Variants in MBOAT2 observed in about 807,000 individuals in gnomAD.
The protein encoded by MBOAT2 is membrane bound glycerophospholipid O-acyltransferase 2.
MBOAT2 carries 28 observed loss-of-function variants against 63.4 expected under a neutral mutation model. The observed-to-expected ratio is 0.44, with a 90% CI of 0.33 to 0.61. The LOEUF (loss-of-function observed/expected upper bound fraction) is 0.61, where lower values mean the gene tolerates loss of function less well. Ranked by LOEUF, MBOAT2 falls within the 20% of genes least tolerant of loss-of-function variation. The pLI is 0.03. For missense variants in MBOAT2, 470 were observed against 605.8 expected (o/e 0.78, Z 2.35); for synonymous variants, 211 against 215.6 (o/e 0.98, Z 0.19).
rs373302501 is a variant in MBOAT2 at position 8,958,313 on chromosome 2, G to A, written c.221+184C>T. On this transcript the variant is annotated intron_variant, in intron 2 of 12. Coordinates refer to ENST00000305997, the MANE Select transcript of MBOAT2 (RefSeq NM_138799.4). ...AAATTTTCCTCTAAGACTAAAGAGA[G>A]AGCAAGCCCATTTCCCATTCGTTAT... Among the ~76,000 whole-genome samples the A allele has an allele frequency of 2.6e-5, 4 of 152,308 alleles. 1 individual carries two copies. Among genetic ancestry groups the A allele is most frequent in the Admixed American group, 6.5e-5 (1 of 15,296 alleles).
rs193073907 is a variant in MBOAT2 at position 8,989,528 on chromosome 2, G to A, written c.75+14012C>T. 2.4e-3 allele frequency among the ~76,000 whole-genome samples: 363 copies of A among 152,290 alleles called. 7 individuals are homozygous for A. Among genetic ancestry groups the A allele is most frequent in the Admixed American group, 0.022 (341 of 15,296 alleles). On this transcript the variant is annotated intron_variant, in intron 1 of 12. Transcript: ENST00000305997. Reference sequence around the variant, plus strand: ...CAAGATACGGAGCTGTATCATCCCAGGAGAGCTAGAAATGTTCAATCATGA... The same window carrying A: ...CAAGATACGGAGCTGTATCATCCCAAGAGAGCTAGAAATGTTCAATCATGA...
chr2:8,879,855 A>G (rs751795037), intron 6 of MBOAT2, among the ~76,000 whole-genome samples: 2 of 152,196 alleles, frequency 1.3e-5, no homozygotes, highest in Non-Finnish European at 2.9e-5. Context: ...AATGTCTTGT[A>G]TAACATCAGA....
chr2:8,933,315 T>C (rs1667449426), intron 3 of MBOAT2, among the ~76,000 whole-genome samples: 1 of 152,200 alleles, frequency 6.6e-6, no homozygotes, highest in Admixed American at 6.5e-5. Context: ...AGATCAGATA[T>C]ATCATCAAAT....
intron 1 of MBOAT2, among the ~76,000 whole-genome samples, chr2:8,971,241 C>G (rs1257401456): frequency 1.3e-5 from 2 of 152,200 alleles, no homozygotes; most frequent in Non-Finnish European, 2.9e-5. Flanking sequence ...TAATCCAGCA[C>G]ATAAACAGAA....
intron 2 of MBOAT2, among the ~76,000 whole-genome samples, chr2:8,950,617 C>T (rs1396100880): frequency 2.0e-5 from 3 of 152,042 alleles, no homozygotes; most frequent in East Asian, 1.9e-4. Flanking sequence ...TTAGTAGAGA[C>T]GGGGTTTCAC....
intron 2 of MBOAT2, among the ~76,000 whole-genome samples, chr2:8,948,056 A>G (rs1056636158): frequency 6.6e-6 from 1 of 152,208 alleles, no homozygotes. Context: ...AGGTCAAAAT[A>G]TAAACATTAG....
intron 9 of MBOAT2, among the ~76,000 whole-genome samples, chr2:8,865,443 T>A (rs1661801113): frequency 6.6e-6 from 1 of 152,148 alleles, no homozygotes. Flanking sequence ...GGAGAAGTGG[T>A]CCTTCTCCTT....
chr2:8,937,187 G>T (rs1358760767), intron 3 of MBOAT2, among the ~76,000 whole-genome samples: 1 of 152,232 alleles, frequency 6.6e-6, no homozygotes, highest in Non-Finnish European at 1.5e-5. Flanking sequence ...GGAGTCTACA[G>T]TGGCTTTCAT....
intron 2 of MBOAT2, among the ~76,000 whole-genome samples, chr2:8,946,420 T>C (rs1298304727): frequency 6.6e-6 from 1 of 152,168 alleles, no homozygotes; most frequent in East Asian, 1.9e-4. Context: ...ATGATTGTTT[T>C]AAAAGAAAAA....
At chr2:8,875,030 T>G (rs930172819) in intron 7 of MBOAT2, among the ~76,000 whole-genome samples, 2 of 152,204 alleles carry the variant, frequency 1.3e-5, no homozygotes, top group African/African-American at 2.4e-5. Context: ...TCCACCTTGT[T>G]TAAGTTCCTG....
rs576382229 is a variant in MBOAT2, at chr2:8,993,477, G to C, written c.75+10063C>G. 2.1e-4 allele frequency among the ~76,000 whole-genome samples: 32 copies of C among 152,308 alleles called. No individual in the cohort carries two copies. The South Asian group carries it at 4.1e-3, about 20-fold the overall frequency. On this transcript the variant is annotated intron_variant, in intron 1 of 12. Coordinates refer to ENST00000305997, the MANE Select transcript of MBOAT2 (RefSeq NM_138799.4). ...GGGAGCTCAGTCTGTGGAGAAGCTT[G>C]TTGGCCAGTGAAGTGAGTGTCCACA...
intron 3 of MBOAT2, among the ~76,000 whole-genome samples, chr2:8,937,139 G>C (rs1667727021): frequency 6.6e-6 from 1 of 152,152 alleles, no homozygotes; most frequent in Non-Finnish European, 1.5e-5. Context: ...CAAGAATCAG[G>C]GATGAGACTT....
At chr2:8,947,430 G>C (rs1190159861) in intron 2 of MBOAT2, among the ~76,000 whole-genome samples, 1 of 152,190 alleles carries the variant, frequency 6.6e-6, no homozygotes, top group Admixed American at 6.5e-5. Flanking sequence ...GCTACACTAA[G>C]CAAAAGATTT....
At chr2:8,905,405 T>A (rs569559242) in intron 4 of MBOAT2, among the ~76,000 whole-genome samples, 1 of 152,286 alleles carries the variant, frequency 6.6e-6, no homozygotes, top group African/African-American at 2.4e-5. Context: ...CTCCTTCAGC[T>A]AATTCGACTA....
At chr2:8,870,236 G>A (rs1231955279) in intron 8 of MBOAT2, among the ~76,000 whole-genome samples, 1 of 152,130 alleles carries the variant, frequency 6.6e-6, no homozygotes, top group Non-Finnish European at 1.5e-5. Context: ...ATTTTTTTGA[G>A]GTGATAAGGA....
intron 4 of MBOAT2, among the ~76,000 whole-genome samples, chr2:8,906,551 T>C (rs1259526033): frequency 6.6e-6 from 1 of 152,222 alleles, no homozygotes. Context: ...AACTGTAATG[T>C]GAATGAGAAA....
At chr2:8,986,332 T>G (rs1671562809) in intron 1 of MBOAT2, among the ~76,000 whole-genome samples, 1 of 151,942 alleles carries the variant, frequency 6.6e-6, no homozygotes, top group Non-Finnish European at 1.5e-5. Context: ...TCCCAGCACT[T>G]TGGGAGGCTG....
intron 3 of MBOAT2, among the ~76,000 whole-genome samples, chr2:8,911,932 AATTT>A (rs1205701203): frequency 7.2e-5 from 11 of 152,108 alleles, no homozygotes; most frequent in Admixed American, 7.2e-4. Flanking sequence ...TAGACTTAAT[AATTT>A]ATTTTTACCA....
chr2:8,895,020 TA>T (rs1664332235), intron 4 of MBOAT2, among the ~76,000 whole-genome samples: 1 of 152,166 alleles, frequency 6.6e-6, no homozygotes, highest in South Asian at 2.1e-4. Context: ...ACTTCAGGAG[TA>T]AAGCTGCAGA....
Sources: allele counts gnomAD v4.1 joint callset (sites outside exome capture counted in the v4.1 genomes callset), GRCh38; gene constraint gnomAD v4.1.1; transcripts MANE v1.5; gene names NCBI Gene and HGNC (gene_info 2026-07-23, HGNC 2026-07-21).